PCDHA2: variants seen among roughly 807,000 people sequenced by gnomAD.
The protein encoded by PCDHA2 is protocadherin alpha 2.
In PCDHA2, 58 loss-of-function variants were observed where a neutral mutation model predicts 66.0. That is an observed-to-expected ratio of 0.88 (90% CI 0.71 to 1.09). PCDHA2 has a LOEUF of 1.09. Ranked by LOEUF, PCDHA2 falls within the 50% of genes least tolerant of loss-of-function variation. The pLI is 0.00. For synonymous variants in PCDHA2, 634 were observed against 554.0 expected (o/e 1.14, Z -2.03); for missense variants, 1,267 against 1,242.3 (o/e 1.02, Z -0.30).
At chr5:141,005,500 G>A (rs954556024) in intron 3 of PCDHA2, among the ~76,000 whole-genome samples, 2 of 151,574 alleles carry the variant, frequency 1.3e-5, no homozygotes, top group East Asian at 1.9e-4. Flanking sequence ...TCAGGAGATC[G>A]AGACCATCCT....
intron 1 of PCDHA2, among the ~76,000 whole-genome samples, chr5:140,904,653 A>AGT (rs2071298480): frequency 6.6e-6 from 1 of 152,104 alleles, no homozygotes; most frequent in Non-Finnish European, 1.5e-5. Context: ...TGTTTTCCAT[A>AGT]GTGGTTGTAC....
intron 1 of PCDHA2, among the ~76,000 whole-genome samples, chr5:140,886,142 TA>T (rs1473876165): frequency 6.6e-6 from 1 of 152,180 alleles, no homozygotes; most frequent in African/African-American, 2.4e-5. Flanking sequence ...AGATTCTTGA[TA>T]TCACCTTTTT....
intron 1 of PCDHA2, chr5:140,843,774 A>G: frequency 6.9e-7 from 1 of 1,457,980 alleles, no homozygotes; most frequent in Non-Finnish European, 9.4e-7. Flanking sequence ...TAGTTACTTT[A>G]AAAGTGTTTC....
At chr5:140,824,610 G>GTTTTTTTTTTTTTCTTTT (rs1768201815) in intron 1 of PCDHA2, 1 of 95,104 alleles carries the variant, frequency 1.1e-5, no homozygotes, top group African/African-American at 4.9e-5. Context: ...GCTAATTAAA[G>GTTTTTTTTTTTTTCTTTT]TTTTTTTTTT....
chr5:140,943,257 C>CAA lies in PCDHA2; in HGVS notation c.2389-35673_2389-35672dup, dbSNP rs1238620023. Reference sequence around the variant, plus strand: ...TGGGTCACAGAGTGAGACTCTGTCTCAAAAAAAAAAAAAAAAAAAAGAAAG... The same window carrying CAA: ...TGGGTCACAGAGTGAGACTCTGTCTCAAAAAAAAAAAAAAAAAAAAAAGAAAG... On this transcript the variant is annotated intron_variant, in intron 1 of 3. Transcript: ENST00000526136. Among the ~76,000 whole-genome samples the CAA allele has an allele frequency of 2.6e-3, 203 of 77,270 alleles. 1 individual carries two copies. Among genetic ancestry groups the CAA allele is most frequent in the African/African-American group, 9.8e-3 (185 of 18,826 alleles). The allele number at this position is 77,270 out of a possible 152,430, so 50.7% of individuals were successfully genotyped here. A position where few individuals can be genotyped will look rare whatever the true frequency, so the allele number is the denominator to read the frequency against.
At chr5:140,937,829 A>G (rs1305110198) in intron 1 of PCDHA2, among the ~76,000 whole-genome samples, 2 of 148,988 alleles carry the variant, frequency 1.3e-5, no homozygotes, top group African/African-American at 2.5e-5. Context: ...GGAGAATGGC[A>G]TGAACCTGGA....
intron 1 of PCDHA2, chr5:140,835,796 C>T (rs1264312076): frequency 5.6e-6 from 9 of 1,613,014 alleles, no homozygotes; most frequent in Non-Finnish European, 7.6e-6. Context: ...ACCCGCCGGG[C>T]TGCCACATCT....
chr5:140,987,536 A>G (rs555442118), intron 3 of PCDHA2, among the ~76,000 whole-genome samples: 126 of 152,290 alleles, frequency 8.3e-4, no homozygotes, highest in Non-Finnish European at 1.6e-3. Context: ...TCCTGGGACC[A>G]TTACTTAACT....
In PCDHA2 at chr5:140,928,627, T is replaced by G. The variant is rs782634688; in HGVS notation, c.2389-50322T>G. The G allele has an allele frequency of 1.5e-5, 24 of 1,614,220 alleles. No homozygotes were observed. The highest frequency in any genetic ancestry group is 1.9e-5 in the Non-Finnish European group (23 of 1,180,026). On this transcript the variant is annotated intron_variant, in intron 1 of 3. Transcript: ENST00000526136. ...GCCCCGCTCTGCCAGGACTGGACAC[T>G]TGGTCACAAAAGTGGTAGCAGAGGA...
chr5:140,866,283 G>A (rs1554160187), intron 1 of PCDHA2: 1 of 152,094 alleles, frequency 6.6e-6, no homozygotes, highest in Non-Finnish European at 1.5e-5. Context: ...GACAGTGTTT[G>A]GGACAAGTAT....
rs34755515 is a variant in PCDHA2 at position 141,000,421 on chromosome 5, A to ATTT, written c.2537-9185_2537-9183dup. 5.4e-3 allele frequency among the ~76,000 whole-genome samples: 150 copies of ATTT among 27,982 alleles called. 11 individuals are homozygous for ATTT. Among genetic ancestry groups the ATTT allele is most frequent in the Non-Finnish European group, 6.0e-3 (106 of 17,660 alleles). The allele number at this position is 27,982 out of a possible 152,430, so 18.4% of individuals were successfully genotyped here. On this transcript the variant is annotated intron_variant, in intron 3 of 3. Coordinates refer to ENST00000526136, the MANE Select transcript of PCDHA2 (RefSeq NM_018905.3). ...TATATATATATATATATATATATAT[A>ATTT]TTTTTTTTTTTTTTTTTTTTTTTGA...
intron 1 of PCDHA2, among the ~76,000 whole-genome samples, chr5:140,844,255 T>C (rs1015870602): frequency 6.7e-6 from 1 of 149,734 alleles, no homozygotes; most frequent in Admixed American, 6.7e-5. Flanking sequence ...TTAAGCAGTG[T>C]AGTGATAAAA....
chr5:140,864,625 G>GAAAAC (rs1229518182), intron 1 of PCDHA2: 2 of 152,052 alleles, frequency 1.3e-5, no homozygotes, highest in Non-Finnish European at 2.9e-5. Flanking sequence ...TTTTTAAAAA[G>GAAAAC]AAAACAAAAC....
In PCDHA2 at chr5:140,883,112, A is replaced by G. The variant is rs141106500; in HGVS notation, c.2388+85760A>G. 408 of 1,614,156 alleles carry G rather than the reference A, an allele frequency of 2.5e-4. 3 individuals are homozygous for G. In the African/African-American group the frequency reaches 5.1e-3, roughly 20 times the overall value. ...AAATGGAGATATAGTTTACTCATTTAGAAGGCCTGTATGGCCTGCAGTGGT... is the reference window on the plus strand; with the variant it reads ...AAATGGAGATATAGTTTACTCATTTGGAAGGCCTGTATGGCCTGCAGTGGT... On this transcript the variant is annotated intron_variant, in intron 1 of 3. Coordinates refer to ENST00000526136, the MANE Select transcript of PCDHA2 (RefSeq NM_018905.3).
In PCDHA2 at chr5:140,968,377, T is replaced by C. The variant is rs1461765123; in HGVS notation, c.2389-10572T>C. 2.5e-6 allele frequency: 4 copies of C among 1,613,962 alleles called. No individual in the cohort carries two copies. In the African/African-American group the frequency reaches 4.0e-5, roughly 16 times the overall value. ...GCAGCCTTTATGCTGTCAACTCCTT[T>C]GACTATGAGAAGTTTCGGGAGTTCT... On this transcript the variant is annotated intron_variant, in intron 1 of 3. Transcript: ENST00000526136.
At chr5:140,839,728 G>T (rs1776382427) in intron 1 of PCDHA2, among the ~76,000 whole-genome samples, 1 of 151,992 alleles carries the variant, frequency 6.6e-6, no homozygotes, top group Non-Finnish European at 1.5e-5. Flanking sequence ...TCATTTCACA[G>T]AAAATACCCT....
chr5:140,875,002 T>C (rs1441765842), intron 1 of PCDHA2, among the ~76,000 whole-genome samples: 2 of 152,238 alleles, frequency 1.3e-5, no homozygotes, highest in African/African-American at 4.8e-5. Context: ...TCATTTTCCA[T>C]GATAAAGTGT....
chr5:140,871,132 G>A, intron 1 of PCDHA2: 1 of 1,613,372 alleles, frequency 6.2e-7, no homozygotes, highest in South Asian at 1.1e-5. Flanking sequence ...GGCGCCAAAG[G>A]CCTCTTCCCG....
At chr5:140,978,740 A>G (rs2096821027) in intron 1 of PCDHA2, among the ~76,000 whole-genome samples, 1 of 152,254 alleles carries the variant, frequency 6.6e-6, no homozygotes, top group Non-Finnish European at 1.5e-5. Flanking sequence ...CTTCCAGGGT[A>G]TCTAATCTGT....
Sources: allele counts gnomAD v4.1 joint callset (sites outside exome capture counted in the v4.1 genomes callset), GRCh38; gene constraint gnomAD v4.1.1; transcripts MANE v1.5; gene names NCBI Gene and HGNC (gene_info 2026-07-23, HGNC 2026-07-21).